Variants in PTPRD observed in about 807,000 individuals in gnomAD.
PTPRD encodes the protein protein tyrosine phosphatase receptor type D.
A neutral mutation model predicts 214.5 loss-of-function variants in PTPRD; 34 were observed. That is an observed-to-expected ratio of 0.16 (90% CI 0.12 to 0.21). The LOEUF is 0.21. Among genes scored for constraint, PTPRD ranks in the 10% least tolerant of loss-of-function variants. The pLI, the probability that PTPRD is intolerant of heterozygous loss-of-function variation, is 1.00. For synonymous variants in PTPRD, 1,128 were observed against 845.7 expected (o/e 1.33, Z -5.79); for missense variants, 2,545 against 2,398.7 (o/e 1.06, Z -1.27).
At chr9:10,195,236 A>G (rs2099393234) in intron 3 of PTPRD, among the ~76,000 whole-genome samples, 1 of 151,832 alleles carries the variant, frequency 6.6e-6, no homozygotes, top group South Asian at 2.1e-4. Context: ...AATGCCAGGC[A>G]TGAGCCTTAA....
At chr9:10,191,844 C>T (rs886728246) in intron 3 of PTPRD, among the ~76,000 whole-genome samples, 11 of 152,120 alleles carry the variant, frequency 7.2e-5, no homozygotes, top group Non-Finnish European at 1.6e-4. Flanking sequence ...TTCTTTTCTT[C>T]TCTATATGAC....
At chr9:9,558,589 G>C (rs180728954) in intron 8 of PTPRD, among the ~76,000 whole-genome samples, 69 of 152,248 alleles carry the variant, frequency 4.5e-4, no homozygotes, top group African/African-American at 1.3e-3. Context: ...AACTGAGCAC[G>C]CAGGCCTGTT....
intron 8 of PTPRD, among the ~76,000 whole-genome samples, chr9:9,460,634 A>T (rs1374005228): frequency 6.6e-6 from 1 of 152,164 alleles, no homozygotes; most frequent in Non-Finnish European, 1.5e-5. Flanking sequence ...ATACCATCTT[A>T]TACCAAATAG....
intron 21 of PTPRD, among the ~76,000 whole-genome samples, chr9:8,513,078 T>G (rs950925382): frequency 9.9e-5 from 15 of 151,992 alleles, no homozygotes; most frequent in African/African-American, 3.4e-4. Context: ...ATATTCCCCA[T>G]ATTTTCAAGG....
At chr9:8,532,238 T>C (rs1041572470) in intron 14 of PTPRD, among the ~76,000 whole-genome samples, 3 of 151,832 alleles carry the variant, frequency 2.0e-5, no homozygotes, top group Non-Finnish European at 4.4e-5. Context: ...GACTGTCAGG[T>C]ATTTGGCAAT....
rs12552265 is a variant in PTPRD at position 9,768,182 on chromosome 9, T to C, written c.-367-1331A>G. 0.033 allele frequency among the ~76,000 whole-genome samples: 5,005 copies of C among 152,202 alleles called. 547 individuals carry two copies. In the East Asian group the frequency reaches 0.38, roughly 12 times the overall value. ...TTCTAGATTTTATTTGAATCTTGGT[T>C]CCTTGGATAGCTAATCAGCCAACGC... On this transcript the variant is annotated intron_variant, in intron 5 of 45. Transcript: ENST00000381196.
chr9:9,437,742 A>C (rs1686974470), intron 8 of PTPRD, among the ~76,000 whole-genome samples: 1 of 152,104 alleles, frequency 6.6e-6, no homozygotes, highest in South Asian at 2.1e-4. Flanking sequence ...GTGATTTGAC[A>C]CGGGACTGAG....
At chr9:9,994,612 A>C (rs1000100560) in intron 4 of PTPRD, among the ~76,000 whole-genome samples, 6 of 152,188 alleles carry the variant, frequency 3.9e-5, no homozygotes, top group Admixed American at 2.6e-4. Context: ...TAAAAGAAAA[A>C]ACAAACAGAA....
chr9:8,618,435 A>G (rs1005042261), intron 14 of PTPRD, among the ~76,000 whole-genome samples: 1 of 152,090 alleles, frequency 6.6e-6, no homozygotes, highest in African/African-American at 2.4e-5. Flanking sequence ...TCATGAAAAC[A>G]TATTGTGTAT....
chr9:9,885,163 C>T (rs1181160207), intron 5 of PTPRD, among the ~76,000 whole-genome samples: 2 of 151,750 alleles, frequency 1.3e-5, no homozygotes, highest in Non-Finnish European at 2.9e-5. Flanking sequence ...GCATGGTTTC[C>T]TCTAGCTACT....
intron 12 of PTPRD, among the ~76,000 whole-genome samples, chr9:8,715,312 G>A (rs1251016153): frequency 6.6e-6 from 1 of 152,124 alleles, no homozygotes; most frequent in African/African-American, 2.4e-5. Flanking sequence ...ACTGCAGGAT[G>A]AGGTTCTCAC....
intron 35 of PTPRD, among the ~76,000 whole-genome samples, chr9:8,424,663 A>AT (rs2094548588): frequency 0.013 from 1 of 78 alleles, no homozygotes; most frequent in Admixed American, 0.17. Flanking sequence ...TTAAACTGGC[A>AT]GAAAATAAAG....
intron 3 of PTPRD, among the ~76,000 whole-genome samples, chr9:10,062,434 C>T (rs972559966): frequency 1.3e-5 from 2 of 151,772 alleles, no homozygotes; most frequent in African/African-American, 4.8e-5. Flanking sequence ...GGTGAAACCC[C>T]GTCTCTACTA....
intron 8 of PTPRD, among the ~76,000 whole-genome samples, chr9:9,398,952 G>C (rs1231557147): frequency 2.0e-5 from 3 of 151,950 alleles, no homozygotes; most frequent in Non-Finnish European, 4.4e-5. Context: ...ATCAGACTCT[G>C]CCTATATGAA....
chr9:10,014,143 A>G (rs1343535), intron 4 of PTPRD, among the ~76,000 whole-genome samples: 64,812 of 151,750 alleles, frequency 0.43, 16,362 homozygotes, highest in Middle Eastern at 0.61. Context: ...GTTACATAAC[A>G]TTTCAGTCCT....
chr9:8,659,944 T>C (rs923717320), intron 12 of PTPRD, among the ~76,000 whole-genome samples: 1 of 152,102 alleles, frequency 6.6e-6, no homozygotes, highest in Admixed American at 6.5e-5. Flanking sequence ...AGAGAGAGAC[T>C]GGTTCAAAAG....
At chr9:10,607,977 G>C (rs1008694407) in intron 2 of PTPRD, among the ~76,000 whole-genome samples, 1 of 151,900 alleles carries the variant, frequency 6.6e-6, no homozygotes, top group African/African-American at 2.4e-5. Flanking sequence ...TACTGAACAA[G>C]GATGGAAAAC....
chr9:9,107,908 G>A (rs1007266025), intron 10 of PTPRD, among the ~76,000 whole-genome samples: 4 of 152,026 alleles, frequency 2.6e-5, no homozygotes, highest in Admixed American at 6.6e-5. Flanking sequence ...ATATTTCATG[G>A]AAAAATCTGG....
intron 7 of PTPRD, among the ~76,000 whole-genome samples, chr9:9,658,553 C>T (rs892125035): frequency 1.3e-5 from 2 of 152,090 alleles, no homozygotes; most frequent in African/African-American, 4.8e-5. Context: ...GAAGCAGCCT[C>T]GATCTCTCCA....
Sources: allele counts gnomAD v4.1 joint callset (sites outside exome capture counted in the v4.1 genomes callset), GRCh38; gene constraint gnomAD v4.1.1; transcripts MANE v1.5; gene names NCBI Gene and HGNC (gene_info 2026-07-23, HGNC 2026-07-21).